Variants in KDM7A observed in about 807,000 individuals in gnomAD.
KDM7A encodes lysine demethylase 7A.
In KDM7A, 28 loss-of-function variants were observed where a neutral mutation model predicts 114.8. That is an observed-to-expected ratio of 0.24 (90% CI 0.18 to 0.33). The LOEUF is 0.33. KDM7A is among the 10% of genes least tolerant of loss of function. The pLI, the probability that KDM7A is intolerant of heterozygous loss-of-function variation, is 1.00. For synonymous variants in KDM7A, 423 were observed against 397.8 expected (o/e 1.06, Z -0.75); for missense variants, 942 against 1,142.5 (o/e 0.82, Z 2.53).
intron 1 of KDM7A, among the ~76,000 whole-genome samples, chr7:140,167,048 T>C (rs190812937): frequency 1.3e-5 from 2 of 152,166 alleles, no homozygotes; most frequent in Non-Finnish European, 2.9e-5. Context: ...ATCTTAAAAA[T>C]GTGTAAAATC....
chr7:140,127,668 TGA>T, intron 4 of KDM7A, 85 bp from the exon 5 acceptor site: 2 of 1,158,950 alleles, frequency 1.7e-6, no homozygotes, highest in Non-Finnish European at 2.5e-6. Context: ...TAACTTGGTA[TGA>T]TAATTAAACC....
At chr7:140,171,586 T>A (rs951450580) in intron 1 of KDM7A, among the ~76,000 whole-genome samples, 14 of 146,102 alleles carry the variant, frequency 9.6e-5, no homozygotes, top group African/African-American at 3.2e-4. Flanking sequence ...TATATATTTT[T>A]ATATAGTTGT....
chr7:140,130,891 T>C (rs1021273837), intron 3 of KDM7A, among the ~76,000 whole-genome samples: 10 of 145,434 alleles, frequency 6.9e-5, no homozygotes, highest in African/African-American at 2.6e-4. Flanking sequence ...TCTTGCTCTG[T>C]CGCCCAGGCT....
At position 140,091,051 on chromosome 7, in the gene KDM7A, A is replaced by G; in HGVS notation, c.*43T>C. The G allele has an allele frequency of 7.0e-7, 1 of 1,434,052 alleles. No individual in the cohort carries two copies. The highest frequency in any genetic ancestry group is 1.1e-5 in the South Asian group (1 of 87,670). The allele number at this position is 1,434,052 out of a possible 1,614,324, so 88.8% of individuals were successfully genotyped here. On this transcript the variant is annotated 3_prime_UTR_variant, in exon 20 of 20. Coordinates refer to ENST00000397560, the MANE Select transcript of KDM7A (RefSeq NM_030647.2). ...GGAAGCTCCAGGCTCCTGCACCCCT[A>G]GACTGGTCTCCAAAGGGAAGAATGG...
intron 5 of KDM7A, among the ~76,000 whole-genome samples, chr7:140,127,117 T>C (rs7808517): frequency 1 from 151,866 of 152,312 alleles, 75,711 homozygotes; most frequent in Middle Eastern, 1. Flanking sequence ...TGTGCCACCA[T>C]GCCCAGCTGA....
In KDM7A at chr7:140,135,361, T is replaced by C. The variant is rs1035784533; in HGVS notation, c.281-1705A>G. Among the ~76,000 whole-genome samples the C allele has an allele frequency of 4.6e-5, 7 of 152,080 alleles. No homozygotes were observed. In the East Asian group the frequency reaches 5.8e-4, roughly 13 times the overall value. On this transcript the variant is annotated intron_variant, in intron 2 of 19. Coordinates refer to ENST00000397560, the MANE Select transcript of KDM7A (RefSeq NM_030647.2). ...TGGACTACAGGGGTGTGCCACCACA[T>C]TCGGCTAATTTTTTGTATTTTAGTA... is the stretch of plus-strand genomic sequence containing the variant.
In KDM7A at chr7:140,139,171, GTTC is replaced by G; in HGVS notation, c.211_213del (p.Glu71del). The G allele has an allele frequency of 6.2e-7, 1 of 1,613,080 alleles. No homozygotes were observed. The highest frequency in any genetic ancestry group is 8.5e-7 in the Non-Finnish European group (1 of 1,179,352). On this transcript the variant is annotated inframe_deletion, in exon 2 of 20. Coordinates refer to ENST00000397560, the MANE Select transcript of KDM7A (RefSeq NM_030647.2). ...TACAGGTCAATGTCAACAGCATGAT[GTTC>G]TTCTACTCCAACACAGCTAAGACAA...
chr7:140,096,805 C>A, intron 16 of KDM7A, 42 bp from the exon 17 acceptor site: 1 of 1,595,184 alleles, frequency 6.3e-7, no homozygotes, highest in Non-Finnish European at 8.6e-7. Flanking sequence ...TCTATTTTTT[C>A]TGATGACATT....
chr7:140,118,191 T>C (rs1174339525), intron 9 of KDM7A, among the ~76,000 whole-genome samples: 1 of 152,208 alleles, frequency 6.6e-6, no homozygotes, highest in East Asian at 1.9e-4. Context: ...CTAGAAAAGT[T>C]AGACAACACA....
At chr7:140,102,794 C>T (rs1183059500) in intron 11 of KDM7A, among the ~76,000 whole-genome samples, 2 of 152,126 alleles carry the variant, frequency 1.3e-5, no homozygotes, top group East Asian at 1.9e-4. Context: ...ATTCTTTTCA[C>T]GTACATATTT....
At chr7:140,140,111 A>C (rs1300573930) in intron 1 of KDM7A, among the ~76,000 whole-genome samples, 1 of 152,210 alleles carries the variant, frequency 6.6e-6, no homozygotes, top group East Asian at 1.9e-4. Context: ...GTAGGAAAAA[A>C]GGATTTGCTC....
chr7:140,174,295 C>G (rs138596702), intron 1 of KDM7A, among the ~76,000 whole-genome samples: 131 of 152,216 alleles, frequency 8.6e-4, no homozygotes, highest in Middle Eastern at 6.8e-3. Flanking sequence ...GATTGATGGT[C>G]AAAAAGACCC....
chr7:140,164,995 C>G (rs113136275), intron 1 of KDM7A, among the ~76,000 whole-genome samples: 4 of 152,204 alleles, frequency 2.6e-5, no homozygotes, highest in African/African-American at 9.7e-5. Flanking sequence ...TTTCCACCAA[C>G]AATGCCATGT....
At chr7:140,172,153 T>C (rs780556126) in intron 1 of KDM7A, among the ~76,000 whole-genome samples, 23 of 152,286 alleles carry the variant, frequency 1.5e-4, no homozygotes, top group Non-Finnish European at 2.4e-4. Context: ...AGTTTGGCAA[T>C]AGGCACAAGA....
intron 1 of KDM7A, among the ~76,000 whole-genome samples, chr7:140,163,088 G>A (rs1366942936): frequency 8.8e-5 from 13 of 147,172 alleles, no homozygotes; most frequent in Admixed American, 7.5e-4. Flanking sequence ...TCCTCCTCCC[G>A]GGTTCACGCC....
rs1245101831 is a variant in KDM7A, at chr7:140,176,233, G to A, written c.194+511C>T. Among the ~76,000 whole-genome samples the A allele has an allele frequency of 1.3e-5, 2 of 151,686 alleles. No individual in the cohort carries two copies. The highest frequency in any genetic ancestry group is 4.8e-5 in the African/African-American group (2 of 41,382). ...GAAGGGGGCGCGACAGGGACCCGCG[G>A]CGCGGAGGAGACGCGGGGCCGGGGC... is the stretch of plus-strand genomic sequence containing the variant. On this transcript the variant is annotated intron_variant, in intron 1 of 19. Transcript: ENST00000397560. This position sits in a 1 kb window ranked among gnomAD's most constrained non-coding sequence, Gnocchi z 4.4.
chr7:140,096,789 C>G (rs747796085), intron 16 of KDM7A, 26 bp from the exon 17 acceptor site: 9 of 1,602,710 alleles, frequency 5.6e-6, no homozygotes, highest in Non-Finnish European at 6.8e-6. Flanking sequence ...TCCAAAAACA[C>G]AAGAGTCTAT....
Position 140,127,598 on chromosome 7 carries a change from TAC to T in KDM7A, c.560-17_560-16del, listed in dbSNP as rs907223977. The T allele has an allele frequency of 1.8e-5, 29 of 1,610,884 alleles. No individual in the cohort carries two copies. Among genetic ancestry groups the T allele is most frequent in the Admixed American group, 3.3e-5 (2 of 59,788 alleles). On this transcript the variant is annotated splice_polypyrimidine_tract_variant and intron_variant, in intron 4 of 19. Coordinates refer to ENST00000397560, the MANE Select transcript of KDM7A (RefSeq NM_030647.2). ...TTTGTCACCACCTGCAGAGAAAAATTACAGTCTTATTATTGGACTTAAGAGTT... is the reference window on the plus strand; with the variant it reads ...TTTGTCACCACCTGCAGAGAAAAATTAGTCTTATTATTGGACTTAAGAGTT...
At chr7:140,105,720 T>C (rs911478094) in intron 11 of KDM7A, among the ~76,000 whole-genome samples, 2 of 152,242 alleles carry the variant, frequency 1.3e-5, no homozygotes, top group African/African-American at 2.4e-5. Context: ...CTTGCATCGA[T>C]GTTCATCATG....
Sources: gnomAD v4.1 joint callset for allele counts (sites outside exome capture counted in the v4.1 genomes callset) on GRCh38, gnomAD v4.1.1 for gene constraint, Gnocchi (gnomAD v3.1) non-coding constraint, MANE v1.5 for transcripts, NCBI Gene and HGNC (gene_info 2026-07-23, HGNC 2026-07-21) for gene names.